The following NLRP2 variants were observed in gnomAD, a reference collection of about 807,000 sequenced individuals.
NLRP2 encodes the protein NLR family pyrin domain containing 2.
A neutral mutation model predicts 97.2 loss-of-function variants in NLRP2; 107 were observed. The observed-to-expected ratio is 1.10, with a 90% CI of 0.94 to 1.29. NLRP2 has a LOEUF of 1.29. NLRP2 is among the 50% of genes most tolerant of loss of function. The probability of loss-of-function intolerance (pLI) is 0.00; values close to 1 mark genes in which losing one functional copy is unlikely to be tolerated. For missense variants in NLRP2, 1,495 were observed against 1,330.3 expected, an observed-to-expected ratio of 1.12 and a Z score of -1.93; for synonymous variants, 663 against 551.5, an observed-to-expected ratio of 1.20 and a Z score of -2.83.
intron 2 of NLRP2, among the ~76,000 whole-genome samples, chr19:54,972,618 T>TTGTA (rs2070936896): frequency 6.6e-6 from 1 of 151,930 alleles, no homozygotes; most frequent in South Asian, 2.1e-4. Context: ...TCGCTCATTC[T>TTGTA]TGTATATATA....
intron 6 of NLRP2, 97 bp from the exon 7 acceptor site, chr19:54,984,950 G>C: frequency 1.8e-6 from 2 of 1,127,496 alleles, no homozygotes; most frequent in South Asian, 1.2e-5. Context: ...GCTTTCAATT[G>C]TACTCATTTG....
In NLRP2 at chr19:54,994,264, T is replaced by C; in HGVS notation, c.2709-5T>C. 2 of 1,614,076 alleles carry C rather than the reference T, an allele frequency of 1.2e-6. No homozygotes were observed. The highest frequency in any genetic ancestry group is 1.7e-6 in the Non-Finnish European group (2 of 1,179,970). On this transcript the variant is annotated splice_polypyrimidine_tract_variant and splice_region_variant and intron_variant, in intron 10 of 12. Transcript: ENST00000448584. ...GTTTGCTTTCTTCCTGTGGTTGATT[T>C]CTAGGCTTTGGAACTGCGACATAAC...
chr19:54,965,922 AATAAT>A (rs1447279219), upstream of NLRP2: 2 of 68,826 alleles, frequency 2.9e-5, no homozygotes, highest in South Asian at 9.4e-4. Flanking sequence ...TTAAAAATAA[AATAAT>A]AATAATACTG....
chr19:54,969,986 A>G lies in NLRP2; in HGVS notation c.-17-13A>G. ...ACCATCCCTCTCCACTCCTCCCTTG[A>G]TTGTCATCACAGCTCCCACGTGGGA... On this transcript the variant is annotated splice_polypyrimidine_tract_variant and intron_variant, in intron 1 of 12. Transcript: ENST00000448584. 1.9e-6 allele frequency: 3 copies of G among 1,612,178 alleles called. No individual in the cohort carries two copies. The highest frequency in any genetic ancestry group is 1.3e-5 in the African/African-American group (1 of 74,948).
intron 4 of NLRP2, among the ~76,000 whole-genome samples, chr19:54,980,305 T>C (rs1403799978): frequency 6.6e-6 from 1 of 151,158 alleles, no homozygotes; most frequent in Non-Finnish European, 1.5e-5. Flanking sequence ...TTCACGCCAT[T>C]CTGCCTCAGC....
Position 54,982,298 on chromosome 19 carries a change from G to T in NLRP2, c.600G>T (p.Val200=). The change falls in exon 6 of 13, where the codon GTG becomes GTT. Residue 200 remains valine (V), a synonymous_variant. Coordinates refer to ENST00000448584, the MANE Select transcript of NLRP2 (RefSeq NM_017852.5). ...KMLIPFSNPR[V]LPGPFSYTVV... is the part of the protein sequence containing the mutation. Reference sequence around the variant, plus strand: ...TGATCCCATTCAGCAACCCCAGGGTGCTTCCCGGGCCCTTCTCATACACGG... The same window carrying T: ...TGATCCCATTCAGCAACCCCAGGGTTCTTCCCGGGCCCTTCTCATACACGG... 6.2e-7 allele frequency: 1 copy of T among 1,614,106 alleles called. No homozygotes were observed. Among genetic ancestry groups the T allele is most frequent in the Non-Finnish European group, 8.5e-7 (1 of 1,180,024 alleles).
chr19:54,976,056 CT>C (rs75652002), intron 3 of NLRP2, among the ~76,000 whole-genome samples: 53,411 of 148,290 alleles, frequency 0.36, 9,758 homozygotes, highest in Middle Eastern at 0.49. Context: ...GCCATGAAGA[CT>C]TTTTTTTTTT....
At chr19:54,985,677 CAAAAAAAA>C (rs113852885) in intron 7 of NLRP2, among the ~76,000 whole-genome samples, 16 of 68,014 alleles carry the variant, frequency 2.4e-4, no homozygotes, top group African/African-American at 6.7e-4. Flanking sequence ...GACTGCGTCT[CAAAAAAAA>C]AAAAAAAAAA....
chr19:54,983,176 G>C lies in NLRP2; in HGVS notation c.1478G>C (p.Arg493Thr). 1 of 1,613,912 alleles carries C rather than the reference G, an allele frequency of 6.2e-7. No homozygotes were observed. The highest frequency in any genetic ancestry group is 8.5e-7 in the Non-Finnish European group (1 of 1,179,988). ...GACGGAGACATCCTCCGCCAGGACA[G>C]AGTCTCCAAAGGCTGCTACTCCTTC... is the stretch of plus-strand genomic sequence containing the variant. ...FLDGDILRQD[R>T]VSKGCYSFIH... The change falls in exon 6 of 13, where the codon AGA (arginine) becomes ACA (threonine). Residue 493 changes from arginine (R) to threonine (T), a missense_variant. By Grantham distance (71) the Arg-to-Thr change is moderately conservative (BLOSUM62 -1). Coordinates refer to ENST00000448584, the MANE Select transcript of NLRP2 (RefSeq NM_017852.5).
At chr19:54,997,145 TC>T (rs1172059445) in intron 11 of NLRP2, among the ~76,000 whole-genome samples, 171 bp from the exon 12 acceptor site, 1 of 152,162 alleles carries the variant, frequency 6.6e-6, no homozygotes, top group Non-Finnish European at 1.5e-5. Flanking sequence ...CCTCAGGTGA[TC>T]CATCCACCTC....
chr19:54,986,489 A>T, intron 8 of NLRP2, 174 bp downstream of exon 8: 2 of 673,904 alleles, frequency 3.0e-6, no homozygotes, highest in Non-Finnish European at 2.7e-6. Flanking sequence ...TGCCTTGAAC[A>T]GTAAACACCC....
intron 1 of NLRP2, 88 bp downstream of exon 1, chr19:54,966,555 T>G (rs531593107): frequency 2.0e-5 from 3 of 152,106 alleles, no homozygotes; most frequent in Non-Finnish European, 2.9e-5. Flanking sequence ...TTTCATATAT[T>G]TTTTTTCTGA....
chr19:54,995,415 C>T lies in NLRP2; in HGVS notation c.2879+976C>T, dbSNP rs111683846. ...CCATGTTGGTCAGGCTGGTCTCGACCTCCGGACCTCAGGTGAGAGCCACCG... is the reference window on the plus strand; with the variant it reads ...CCATGTTGGTCAGGCTGGTCTCGACTTCCGGACCTCAGGTGAGAGCCACCG... On this transcript the variant is annotated intron_variant, in intron 11 of 12. Transcript: ENST00000448584. Among the ~76,000 whole-genome samples, 374 of 151,684 alleles carry T rather than the reference C, an allele frequency of 2.5e-3. 6 individuals are homozygous for T. The highest frequency in any genetic ancestry group is 8.7e-3 in the African/African-American group (361 of 41,388).
In NLRP2 at chr19:54,997,368, C is replaced by G; in HGVS notation, c.2931C>G (p.Ala977=). The part of the protein sequence containing the change: ...PPFSCEDLCS[A]LSCNQSLVTL... ...TCAGTTGTGAAGACCTCTGCTCTGC[C>G]CTCAGCTGCAACCAGAGCCTCGTCA... The change falls in exon 12 of 13, where the codon GCC becomes GCG. Residue 977 remains alanine, a synonymous_variant. Coordinates refer to ENST00000448584, the MANE Select transcript of NLRP2 (RefSeq NM_017852.5). The G allele has an allele frequency of 6.2e-7, 1 of 1,614,142 alleles. No homozygotes were observed. Among genetic ancestry groups the G allele is most frequent in the Non-Finnish European group, 8.5e-7 (1 of 1,180,010 alleles).
Position 54,980,612 on chromosome 19 carries a change from G to A in NLRP2, c.398-1005G>A, listed in dbSNP as rs145055081. Among the ~76,000 whole-genome samples the A allele has an allele frequency of 6.8e-4, 104 of 152,330 alleles. 3 individuals carry two copies. The East Asian group carries it at 0.017, about 25-fold the overall frequency. On this transcript the variant is annotated intron_variant, in intron 4 of 12. Transcript: ENST00000448584. ...GGCAGGTTGTCATGAGTAGCTCACTGCCAGGAGACCAAAGCTTCCTGCAGA... is the reference window on the plus strand; with the variant it reads ...GGCAGGTTGTCATGAGTAGCTCACTACCAGGAGACCAAAGCTTCCTGCAGA...
At chr19:54,973,082 T>G (rs2146355946) in intron 2 of NLRP2, among the ~76,000 whole-genome samples, 1 of 151,982 alleles carries the variant, frequency 6.6e-6, no homozygotes, top group Non-Finnish European at 1.5e-5. Context: ...TCCCAGCTAC[T>G]TGGGAGGCTG....
intron 10 of NLRP2, among the ~76,000 whole-genome samples, chr19:54,991,868 G>T (rs1485179171): frequency 4.9e-5 from 7 of 141,976 alleles, no homozygotes; most frequent in African/African-American, 5.2e-5. Context: ...AAAAAAAATT[G>T]TATCTGCACT....
At chr19:54,985,760 C>T (rs2072030146) in intron 7 of NLRP2, among the ~76,000 whole-genome samples, 1 of 151,744 alleles carries the variant, frequency 6.6e-6, no homozygotes, top group Non-Finnish European at 1.5e-5. Flanking sequence ...CTTTGGGGGC[C>T]CAAGGTGGGG....
intron 10 of NLRP2, among the ~76,000 whole-genome samples, chr19:54,992,758 C>T (rs1226317871): frequency 6.6e-6 from 1 of 151,648 alleles, no homozygotes; most frequent in Non-Finnish European, 1.5e-5. Context: ...GAGTTTTCAC[C>T]ATGTTGGTCA....
Sources: gnomAD v4.1 joint callset for allele counts (sites outside exome capture counted in the v4.1 genomes callset) on GRCh38, gnomAD v4.1.1 for gene constraint, MANE v1.5 for transcripts, NCBI Gene and HGNC (gene_info 2026-07-23, HGNC 2026-07-21) for gene names.